The following FBN1 variants were observed in gnomAD, a reference collection of about 807,000 sequenced individuals.
FBN1 encodes the protein fibrillin-1.
A neutral mutation model predicts 365.1 loss-of-function variants in FBN1; 29 were observed. That is an observed-to-expected ratio of 0.08 (90% CI 0.06 to 0.11). FBN1 has a LOEUF of 0.11. Ranked by LOEUF, FBN1 falls within the 10% of genes least tolerant of loss-of-function variation. The pLI, the probability that FBN1 is intolerant of heterozygous loss-of-function variation, is 1.00. For missense variants in FBN1, 2,476 were observed against 3,703.2 expected (o/e 0.67, Z 8.60); for synonymous variants, 1,210 against 1,270.5 (o/e 0.95, Z 1.01).
intron 2 of FBN1, among the ~76,000 whole-genome samples, chr15:48,620,239 G>C (rs1406502786): frequency 6.6e-6 from 1 of 152,200 alleles, no homozygotes; most frequent in East Asian, 1.9e-4. Flanking sequence ...ACTGGGAAGA[G>C]AGATGAAGAG....
At chr15:48,602,962 T>A (rs1047517174) in intron 4 of FBN1, among the ~76,000 whole-genome samples, 1 of 152,186 alleles carries the variant, frequency 6.6e-6, no homozygotes, top group African/African-American at 2.4e-5. Context: ...TGATTTCAAT[T>A]AAAGCAGTTC....
chr15:48,506,888 T>A (rs2043712715), intron 15 of FBN1, among the ~76,000 whole-genome samples: 1 of 152,008 alleles, frequency 6.6e-6, no homozygotes, highest in South Asian at 2.1e-4. Flanking sequence ...TAGAAAAAAA[T>A]AAGACATTGA....
At chr15:48,418,016 G>A (rs1723592354) in intron 63 of FBN1, among the ~76,000 whole-genome samples, 2 of 152,220 alleles carry the variant, frequency 1.3e-5, no homozygotes, top group Admixed American at 6.5e-5. Context: ...ATATGAGGGG[G>A]AAGACTTGTC....
chr15:48,450,193 T>C (rs1000183062), intron 45 of FBN1, among the ~76,000 whole-genome samples: 1 of 152,176 alleles, frequency 6.6e-6, no homozygotes. Context: ...GAAGGGTGTC[T>C]CAGGTCCTAC....
chr15:48,643,384 C>T (rs936573923), intron 2 of FBN1: 18 of 152,204 alleles, frequency 1.2e-4, no homozygotes, highest in African/African-American at 4.3e-4. Context: ...ATTTTCTGTG[C>T]TATTTTATCA....
chr15:48,518,652 C>G (rs1456239200), intron 10 of FBN1, among the ~76,000 whole-genome samples: 1 of 152,142 alleles, frequency 6.6e-6, no homozygotes, highest in African/African-American at 2.4e-5. Context: ...CTTCTCATTG[C>G]CCCTTTACAT....
chr15:48,438,092 T>G (rs2043087062), intron 50 of FBN1, among the ~76,000 whole-genome samples, 175 bp from the exon 51 acceptor site: 1 of 152,212 alleles, frequency 6.6e-6, no homozygotes, highest in African/African-American at 2.4e-5. Flanking sequence ...CATGGGTATC[T>G]TTTGTATAGT....
At chr15:48,627,496 T>C (rs1889906377) in intron 2 of FBN1, among the ~76,000 whole-genome samples, 1 of 152,248 alleles carries the variant, frequency 6.6e-6, no homozygotes, top group Non-Finnish European at 1.5e-5. Context: ...AATGTGTTAG[T>C]ACACACACTT....
chr15:48,444,407 T>C (rs1023099747), intron 49 of FBN1, 134 bp downstream of exon 49: 13 of 1,002,794 alleles, frequency 1.3e-5, no homozygotes, highest in Non-Finnish European at 3.1e-6. Context: ...GATGAGACCA[T>C]GTCATACCTA....
intron 8 of FBN1, among the ~76,000 whole-genome samples, chr15:48,526,984 A>T (rs2043920347): frequency 6.6e-6 from 1 of 152,202 alleles, no homozygotes; most frequent in African/African-American, 2.4e-5. Context: ...ACACCCAATA[A>T]GCAATTGTGA....
chr15:48,515,278 T>C lies in FBN1; in HGVS notation c.1468+109A>G, dbSNP rs1287044666. 4 of 1,236,980 alleles carry C rather than the reference T, an allele frequency of 3.2e-6. No homozygotes were observed. The East Asian group carries it at 9.5e-5, about 29-fold the overall frequency. 76.6% of individuals were successfully genotyped at this position (1,236,980 alleles called of 1,614,324 possible). ...AAGATAATTTAAATTTGTATTGTAT[T>C]AAGCCACCAAGTTTGGGGTAAGTTG... On this transcript the variant is annotated intron_variant, in intron 12 of 65. Coordinates refer to ENST00000316623, the MANE Select transcript of FBN1 (RefSeq NM_000138.5).
intron 10 of FBN1, among the ~76,000 whole-genome samples, chr15:48,518,049 GT>G (rs1356324041): frequency 6.6e-5 from 10 of 152,104 alleles, no homozygotes; most frequent in Non-Finnish European, 1.3e-4. Flanking sequence ...TCAAGTTTAT[GT>G]TTTCAGATAA....
intron 6 of FBN1, among the ~76,000 whole-genome samples, chr15:48,557,476 C>T (rs2044190157): frequency 6.6e-6 from 1 of 152,186 alleles, no homozygotes; most frequent in Non-Finnish European, 1.5e-5. Flanking sequence ...CACCTTGGAA[C>T]ACGCTGAGGA....
At chr15:48,440,770 A>G (rs2043106008) in intron 50 of FBN1, among the ~76,000 whole-genome samples, 1 of 152,172 alleles carries the variant, frequency 6.6e-6, no homozygotes, top group African/African-American at 2.4e-5. Flanking sequence ...TTGAGCTTCC[A>G]AAAGATTAAA....
intron 17 of FBN1, among the ~76,000 whole-genome samples, chr15:48,499,744 T>C (rs2043639294): frequency 6.6e-6 from 1 of 152,188 alleles, no homozygotes; most frequent in Non-Finnish European, 1.5e-5. Context: ...CCAACAATAC[T>C]TAACATAAGA....
intron 1 of FBN1, among the ~76,000 whole-genome samples, chr15:48,645,186 G>C (rs1020883733): frequency 1.3e-5 from 2 of 152,110 alleles, no homozygotes; most frequent in African/African-American, 4.8e-5. Flanking sequence ...GCGGCGCAAA[G>C]TACCCATATC....
chr15:48,414,749 A>G (rs2042888609), intron 64 of FBN1, among the ~76,000 whole-genome samples: 1 of 152,110 alleles, frequency 6.6e-6, no homozygotes, highest in South Asian at 2.1e-4. Context: ...ACAAAAAATT[A>G]GCCGGGCGTG....
chr15:48,614,033 G>T (rs2044677087), intron 2 of FBN1, among the ~76,000 whole-genome samples: 1 of 152,152 alleles, frequency 6.6e-6, no homozygotes, highest in African/African-American at 2.4e-5. Context: ...ACATGTCTTG[G>T]AGTAGAAACT....
At chr15:48,538,446 T>C (rs1207528476) in intron 6 of FBN1, among the ~76,000 whole-genome samples, 1 of 152,210 alleles carries the variant, frequency 6.6e-6, no homozygotes, top group Admixed American at 6.5e-5. Context: ...TAGGTTTTAA[T>C]ATAAAGAGTG....
Sources: allele counts gnomAD v4.1 joint callset (sites outside exome capture counted in the v4.1 genomes callset), GRCh38; gene constraint gnomAD v4.1.1; transcripts MANE v1.5; gene names NCBI Gene and HGNC (gene_info 2026-07-23, HGNC 2026-07-21).